The following TOLLIP variants were observed in gnomAD, a reference collection of about 807,000 sequenced individuals.
TOLLIP encodes toll interacting protein.
In TOLLIP, 16 loss-of-function variants were observed where a neutral mutation model predicts 33.5. The observed-to-expected ratio is 0.48, with a 90% confidence interval of 0.32 to 0.72. TOLLIP has a LOEUF of 0.72. Among genes scored for constraint, TOLLIP ranks in the 30% least tolerant of loss-of-function variants. The pLI is 0.03. For synonymous variants in TOLLIP, 176 were observed against 163.7 expected, an observed-to-expected ratio of 1.07 and a Z score of -0.57; for missense variants, 325 against 396.6, an observed-to-expected ratio of 0.82 and a Z score of 1.53.
chr11:1,299,912 G>T (rs538920065), intron 1 of TOLLIP, among the ~76,000 whole-genome samples: 2 of 152,366 alleles, frequency 1.3e-5, no homozygotes, highest in Non-Finnish European at 2.9e-5. Flanking sequence ...AACACATGGA[G>T]ACTCGGGGGA....
chr11:1,294,199 C>T lies in TOLLIP; in HGVS notation c.183+1446G>A, dbSNP rs984966434. ...CCTTTCCCTGCATTTCTATGAAAGC[C>T]GTGTGGCTCACAGTGTGTCTCCTTT... On this transcript the variant is annotated intron_variant, in intron 2 of 5. Coordinates refer to ENST00000317204, the MANE Select transcript of TOLLIP (RefSeq NM_019009.4). Among the ~76,000 whole-genome samples the T allele has an allele frequency of 8.3e-5, 12 of 145,364 alleles. 1 individual carries two copies. The highest frequency in any genetic ancestry group is 2.8e-4 in the Admixed American group (4 of 14,542).
intron 1 of TOLLIP, among the ~76,000 whole-genome samples, chr11:1,299,421 A>T (rs1456980139): frequency 6.6e-6 from 1 of 152,162 alleles, no homozygotes; most frequent in Non-Finnish European, 1.5e-5. Context: ...CAGGGGAGAG[A>T]GTCCAGGTGC....
At chr11:1,292,772 G>A (rs968857526) in intron 2 of TOLLIP, among the ~76,000 whole-genome samples, 1 of 152,248 alleles carries the variant, frequency 6.6e-6, no homozygotes, top group Non-Finnish European at 1.5e-5. Context: ...TCCCCACAAT[G>A]GGCAAGAGAT....
chr11:1,282,251 C>T (rs888214278), intron 5 of TOLLIP, among the ~76,000 whole-genome samples: 1 of 152,066 alleles, frequency 6.6e-6, no homozygotes, highest in African/African-American at 2.4e-5. Context: ...ACAAAGATCC[C>T]GCCTGAGGGG....
At chr11:1,296,804 G>C (rs1864125735) in intron 1 of TOLLIP, among the ~76,000 whole-genome samples, 1 of 107,876 alleles carries the variant, frequency 9.3e-6, no homozygotes, top group Non-Finnish European at 1.9e-5. Flanking sequence ...GTGGAGGCCT[G>C]GTTGATGGAG....
intron 1 of TOLLIP, among the ~76,000 whole-genome samples, chr11:1,300,198 T>G (rs1864228272): frequency 6.6e-6 from 1 of 152,242 alleles, no homozygotes; most frequent in Non-Finnish European, 1.5e-5. Context: ...TAAAAGCTAC[T>G]TTTATAAATA....
chr11:1,277,218 C>T lies in TOLLIP; in HGVS notation c.646G>A (p.Val216Met), dbSNP rs747921776. 1.2e-5 allele frequency: 19 copies of T among 1,587,254 alleles called. No individual in the cohort carries two copies. The Middle Eastern group carries it at 5.0e-4, about 42-fold the overall frequency. ...PAVCSPGMVP[V>M]ALPPAAVNAQ... The stretch of plus-strand genomic sequence containing the variant: ...TTCACGGCGGCCGGGGGCAGGGCCA[C>T]GGGCACCATGCCGGGGCTACAGACA... The change falls in exon 6 of 6, where the codon GTG (valine) becomes ATG (methionine). Residue 216 changes from valine (V) to methionine (M), a missense_variant. Coordinates refer to ENST00000317204, the MANE Select transcript of TOLLIP (RefSeq NM_019009.4). The surrounding 1 kb of genome is among the most constrained non-coding windows in gnomAD (Gnocchi z 4.2).
rs1380642283 is a variant in TOLLIP, at chr11:1,309,617, G to A, written c.-119C>T. The A allele has an allele frequency of 5.2e-6, 2 of 385,236 alleles. No individual in the cohort carries two copies. The highest frequency in any genetic ancestry group is 4.4e-6 in the Non-Finnish European group (1 of 228,956). 23.9% of individuals were successfully genotyped at this position (385,236 alleles called of 1,614,324 possible). ...TCACCTCGAGGCCGCCGCCGCCACA[G>A]TCAGCTGACAGCCGCCGCGCCCCGC... On this transcript the variant is annotated 5_prime_UTR_variant, in exon 1 of 6. Coordinates refer to ENST00000317204, the MANE Select transcript of TOLLIP (RefSeq NM_019009.4).
chr11:1,298,595 C>G (rs965434569), intron 1 of TOLLIP: 2 of 152,242 alleles, frequency 1.3e-5, no homozygotes, highest in African/African-American at 4.8e-5. Context: ...ATCCAAAGGC[C>G]TAATGATCAA....
At chr11:1,305,383 G>A (rs1167565327) in intron 1 of TOLLIP, among the ~76,000 whole-genome samples, 1 of 152,168 alleles carries the variant, frequency 6.6e-6, no homozygotes, top group Non-Finnish European at 1.5e-5. Context: ...AGACACACAG[G>A]ATGCAGGAAA....
At position 1,290,119 on chromosome 11, in the gene TOLLIP, C is replaced by A. The variant is rs1030535107; in HGVS notation, c.366+108G>T. 5.2e-6 allele frequency: 6 copies of A among 1,147,746 alleles called. No individual in the cohort carries two copies. Among genetic ancestry groups the A allele is most frequent in the Non-Finnish European group, 7.5e-6 (6 of 801,326 alleles). The allele number at this position is 1,147,746 out of a possible 1,614,324, so 71.1% of individuals were successfully genotyped here. Reference sequence around the variant, plus strand: ...ACCCAATGAAACACCAGGTGGGGAGCCACGCCTCGAAGCCAGCCAGGAACG... The same window carrying A: ...ACCCAATGAAACACCAGGTGGGGAGACACGCCTCGAAGCCAGCCAGGAACG... On this transcript the variant is annotated intron_variant, in intron 3 of 5. Transcript: ENST00000317204. The surrounding 1 kb of genome is among the most constrained non-coding windows in gnomAD (Gnocchi z 4.9).
At position 1,278,217 on chromosome 11, in the gene TOLLIP, C is replaced by T. The variant is rs1863374733; in HGVS notation, c.611-964G>A. Among the ~76,000 whole-genome samples the T allele has an allele frequency of 6.6e-6, 1 of 152,176 alleles. No individual in the cohort carries two copies. The highest frequency in any genetic ancestry group is 1.5e-5 in the Non-Finnish European group (1 of 68,028). On this transcript the variant is annotated intron_variant, in intron 5 of 5. Transcript: ENST00000317204. The surrounding 1 kb of genome is among the most constrained non-coding windows in gnomAD (Gnocchi z 4.7). The stretch of plus-strand genomic sequence containing the variant: ...TCAGCGACCAGTGAGGCACAGAGCA[C>T]AGGCAGCGTGCGCGGGGCTCGGCGA...
At chr11:1,306,346 G>A (rs5743870) in intron 1 of TOLLIP, among the ~76,000 whole-genome samples, 18 of 152,062 alleles carry the variant, frequency 1.2e-4, no homozygotes, top group Admixed American at 7.8e-4. Context: ...CCCCATTAGC[G>A]GCCCCTCTGC....
At chr11:1,293,635 G>A (rs1278417291) in intron 2 of TOLLIP, among the ~76,000 whole-genome samples, 1 of 152,280 alleles carries the variant, frequency 6.6e-6, no homozygotes, top group Non-Finnish European at 1.5e-5. Flanking sequence ...CTCACGTGGA[G>A]GAAACAGGCT....
intron 2 of TOLLIP, among the ~76,000 whole-genome samples, chr11:1,292,672 G>C (rs1338454710): frequency 6.6e-6 from 1 of 152,224 alleles, no homozygotes; most frequent in Non-Finnish European, 1.5e-5. Flanking sequence ...GACACCGTGG[G>C]GACACACGGG....
At chr11:1,288,904 A>G (rs778039315) in intron 3 of TOLLIP, 128 bp from the exon 4 acceptor site, 33 of 1,018,224 alleles carry the variant, frequency 3.2e-5, no homozygotes, top group Non-Finnish European at 4.4e-5. Context: ...ACCTGCACCA[A>G]CACCCCATCG....
At position 1,288,628 on chromosome 11, in the gene TOLLIP, T is replaced by C. The variant is rs761880996; in HGVS notation, c.515A>G (p.Tyr172Cys). ...KEGMINLVMSYALLPAAMVMP... is the reference protein window; with the variant it reads ...KEGMINLVMSCALLPAAMVMP... ...CCGCCCAGGCGTGCAGCTCACCGCG[T>C]AGGACATGACGAGGTTGATCATGCC... The change falls in exon 4 of 6, where the codon TAC (tyrosine) becomes TGC (cysteine). Residue 172 changes from tyrosine to cysteine, a missense_variant. By Grantham distance (194) the Tyr-to-Cys change is radical (BLOSUM62 -2). Transcript: ENST00000317204. The C allele has an allele frequency of 1.2e-6, 2 of 1,611,922 alleles. No homozygotes were observed. The highest frequency in any genetic ancestry group is 2.2e-5 in the South Asian group (2 of 90,986).
chr11:1,296,333 C>A (rs1220365774), intron 1 of TOLLIP, among the ~76,000 whole-genome samples: 2 of 152,232 alleles, frequency 1.3e-5, no homozygotes, highest in African/African-American at 4.8e-5. Context: ...CAAACAACCA[C>A]GAAAGACCTC....
Position 1,278,305 on chromosome 11 carries a change from C to T in TOLLIP, c.611-1052G>A, listed in dbSNP as rs1863378092. 6.6e-6 allele frequency among the ~76,000 whole-genome samples: 1 copy of T among 152,164 alleles called. No homozygotes were observed. ...CAGCAGTGCAAGGGTTCACTGCTCA[C>T]CCGTTCATTCACCTTTAAAAGCACG... is the stretch of plus-strand genomic sequence containing the variant. On this transcript the variant is annotated intron_variant, in intron 5 of 5. Transcript: ENST00000317204. This position sits in a 1 kb window ranked among gnomAD's most constrained non-coding sequence, Gnocchi z 4.7.
Sources: gnomAD v4.1 joint callset for allele counts (sites outside exome capture counted in the v4.1 genomes callset) on GRCh38, gnomAD v4.1.1 for gene constraint, Gnocchi (gnomAD v3.1) non-coding constraint, MANE v1.5 for transcripts, NCBI Gene and HGNC (gene_info 2026-07-23, HGNC 2026-07-21) for gene names.